The following ARHGAP15 variants were observed in gnomAD, a reference collection of about 807,000 sequenced individuals.
ARHGAP15 encodes the protein Rho GTPase activating protein 15.
A neutral mutation model predicts 63.7 loss-of-function variants in ARHGAP15; 51 were observed. That is an observed-to-expected ratio of 0.80 (90% CI 0.64 to 1.01). The LOEUF (loss-of-function observed/expected upper bound fraction) is 1.01. ARHGAP15 is among the 50% of genes least tolerant of loss of function. The pLI is 0.00. For missense variants in ARHGAP15, 560 were observed against 564.6 expected, an observed-to-expected ratio of 0.99 and a Z score of 0.08; for synonymous variants, 191 against 193.8, an observed-to-expected ratio of 0.99 and a Z score of 0.12.
chr2:143,447,652 T>C (rs542904503), intron 8 of ARHGAP15, among the ~76,000 whole-genome samples: 7 of 152,286 alleles, frequency 4.6e-5, no homozygotes, highest in African/African-American at 1.7e-4. Context: ...CCTATCCCCA[T>C]CACTCAGAAC....
At position 143,541,320 on chromosome 2, in the gene ARHGAP15, G is replaced by A. The variant is rs563632741; in HGVS notation, c.926-15088G>A. On this transcript the variant is annotated intron_variant, in intron 10 of 13. Transcript: ENST00000295095. ...TTTTTAACCTCTTTGCCATTGGTTCGAACTTCCTCCTTTAGCTCAGAGTAA... is the reference window on the plus strand; with the variant it reads ...TTTTTAACCTCTTTGCCATTGGTTCAAACTTCCTCCTTTAGCTCAGAGTAA... 1.6e-4 allele frequency among the ~76,000 whole-genome samples: 24 copies of A among 151,788 alleles called. No individual in the cohort carries two copies. In the South Asian group the frequency reaches 4.2e-3, roughly 26 times the overall value.
At chr2:143,495,067 A>G (rs998081258) in intron 9 of ARHGAP15, among the ~76,000 whole-genome samples, 2 of 152,176 alleles carry the variant, frequency 1.3e-5, no homozygotes, top group Non-Finnish European at 2.9e-5. Context: ...TGAAATTTAC[A>G]TTGAAAGTTT....
At chr2:143,703,025 C>G (rs1684160386) in intron 12 of ARHGAP15, among the ~76,000 whole-genome samples, 2 of 152,150 alleles carry the variant, frequency 1.3e-5, no homozygotes, top group African/African-American at 4.8e-5. Flanking sequence ...TTCACCCTAC[C>G]ACTCCTTGTA....
intron 6 of ARHGAP15, among the ~76,000 whole-genome samples, chr2:143,317,824 C>G (rs1024054608): frequency 2.6e-5 from 4 of 151,980 alleles, no homozygotes; most frequent in African/African-American, 9.7e-5. Flanking sequence ...TCATCCGAAG[C>G]GGAAAGAATA....
At chr2:143,710,202 G>GT (rs1684519185) in intron 13 of ARHGAP15, among the ~76,000 whole-genome samples, 1 of 151,780 alleles carries the variant, frequency 6.6e-6, no homozygotes, top group Non-Finnish European at 1.5e-5. Flanking sequence ...GTTGTGAGTT[G>GT]TTTGAAATAA....
In ARHGAP15 at chr2:143,599,421, A is replaced by G. The variant is rs375848088; in HGVS notation, c.1004-24712A>G. ...AACATGTAAGTTCCTATTAATGCAC[A>G]TTTATCACAAAAATTAATCTGAGCA... On this transcript the variant is annotated intron_variant, in intron 11 of 13. Transcript: ENST00000295095. Among the ~76,000 whole-genome samples, 18 of 152,246 alleles carry G rather than the reference A, an allele frequency of 1.2e-4. No individual in the cohort carries two copies. The East Asian group carries it at 2.7e-3, about 23-fold the overall frequency.
intron 13 of ARHGAP15, among the ~76,000 whole-genome samples, chr2:143,723,529 G>T (rs1685153643): frequency 6.6e-6 from 1 of 152,150 alleles, no homozygotes; most frequent in Non-Finnish European, 1.5e-5. Flanking sequence ...CTCCACAAAG[G>T]ACTGGAAAGA....
At chr2:143,316,193 T>G (rs752588509) in intron 6 of ARHGAP15, among the ~76,000 whole-genome samples, 1 of 152,192 alleles carries the variant, frequency 6.6e-6, no homozygotes, top group African/African-American at 2.4e-5. Flanking sequence ...ACTTTCCTCC[T>G]AGTTTAGGTA....
chr2:143,514,643 CAG>C (rs1438701654), intron 9 of ARHGAP15, among the ~76,000 whole-genome samples: 2 of 152,174 alleles, frequency 1.3e-5, no homozygotes, highest in Admixed American at 1.3e-4. Context: ...CATAAAATCT[CAG>C]TGGCATATAA....
At chr2:143,492,129 G>A (rs770533546) in intron 9 of ARHGAP15, among the ~76,000 whole-genome samples, 9 of 152,216 alleles carry the variant, frequency 5.9e-5, no homozygotes, top group East Asian at 3.9e-4. Context: ...CGATCTGCCC[G>A]CTTTGGCCTC....
intron 11 of ARHGAP15, among the ~76,000 whole-genome samples, chr2:143,561,635 C>T (rs539168826): frequency 9.5e-4 from 144 of 151,856 alleles, no homozygotes; most frequent in African/African-American, 3.5e-3. Context: ...CCTGCCTCAG[C>T]CACCTGAGTA....
At chr2:143,318,535 T>TTTC (rs1254371914) in intron 6 of ARHGAP15, among the ~76,000 whole-genome samples, 86 of 123,392 alleles carry the variant, frequency 7.0e-4, no homozygotes, top group African/African-American at 2.8e-3. Context: ...TTTTTTTTTT[T>TTTC]CGAACAGTCA....
At chr2:143,735,071 A>T (rs186170150) in intron 13 of ARHGAP15, among the ~76,000 whole-genome samples, 2 of 152,372 alleles carry the variant, frequency 1.3e-5, no homozygotes, top group Non-Finnish European at 2.9e-5. Context: ...CACTAGAACT[A>T]TGATTTTAGA....
At chr2:143,230,103 T>C (rs1693379616) in intron 5 of ARHGAP15, among the ~76,000 whole-genome samples, 1 of 152,120 alleles carries the variant, frequency 6.6e-6, no homozygotes, top group Admixed American at 6.5e-5. Context: ...CACTTGCAGG[T>C]CCTTTGTCTT....
intron 12 of ARHGAP15, among the ~76,000 whole-genome samples, chr2:143,702,469 A>G (rs77133806): frequency 0.017 from 2,640 of 152,262 alleles, 73 homozygotes; most frequent in African/African-American, 0.06. Flanking sequence ...TAAGGGAAAA[A>G]GGATAACATG....
chr2:143,637,809 A>G (rs1680397905), intron 12 of ARHGAP15, among the ~76,000 whole-genome samples: 3 of 152,060 alleles, frequency 2.0e-5, no homozygotes. Flanking sequence ...TACATGAAAA[A>G]AACAAACAAC....
intron 12 of ARHGAP15, among the ~76,000 whole-genome samples, chr2:143,639,625 C>G (rs1308248822): frequency 6.6e-6 from 1 of 151,996 alleles, no homozygotes; most frequent in Non-Finnish European, 1.5e-5. Flanking sequence ...GTCCTTATTA[C>G]AATCCCCGGC....
rs748692413 is a variant in ARHGAP15 at position 143,487,498 on chromosome 2, A to C, written c.826+3A>C. The C allele has an allele frequency of 7.4e-6, 12 of 1,611,340 alleles. No homozygotes were observed. The South Asian group carries it at 1.3e-4, about 18-fold the overall frequency. On this transcript the variant is annotated splice_donor_region_variant and intron_variant, in intron 9 of 13. Coordinates refer to ENST00000295095, the MANE Select transcript of ARHGAP15 (RefSeq NM_018460.4). ...GCAAGAAAAAGGACTTATTAAAGGT[A>C]CAGGTCATTTTATACTTGTACTATA...
chr2:143,675,261 C>T (rs1457560826), intron 12 of ARHGAP15, among the ~76,000 whole-genome samples: 1 of 152,164 alleles, frequency 6.6e-6, no homozygotes, highest in Non-Finnish European at 1.5e-5. Context: ...TTGCTAGTTC[C>T]ACCACATCTA....
Sources: gnomAD v4.1 joint callset for allele counts (sites outside exome capture counted in the v4.1 genomes callset) on GRCh38, gnomAD v4.1.1 for gene constraint, MANE v1.5 for transcripts, NCBI Gene and HGNC (gene_info 2026-07-23, HGNC 2026-07-21) for gene names.